ABCC4: variants seen among roughly 807,000 people sequenced by gnomAD.
The protein encoded by ABCC4 is ATP binding cassette subfamily C member 4 (PEL blood group).
In ABCC4, 102 loss-of-function variants were observed where a neutral mutation model predicts 168.5. The observed-to-expected ratio is 0.61, with a 90% CI of 0.52 to 0.71. The LOEUF (loss-of-function observed/expected upper bound fraction) is 0.71, where lower values mean the gene tolerates loss of function less well. Among genes scored for constraint, ABCC4 ranks in the 30% least tolerant of loss-of-function variants. The pLI is 0.00. For missense variants in ABCC4, 1,402 were observed against 1,605.8 expected, an observed-to-expected ratio of 0.87 and a Z score of 2.17; for synonymous variants, 617 against 590.7, an observed-to-expected ratio of 1.04 and a Z score of -0.65.
chr13:95,198,681 TACAACAGC>T (rs1372675248), intron 8 of ABCC4, among the ~76,000 whole-genome samples: 1 of 152,128 alleles, frequency 6.6e-6, no homozygotes. Context: ...CAGCACTATT[TACAACAGC>T]AAAGACTTGG....
At chr13:95,134,727 T>A (rs1398256610) in intron 19 of ABCC4, among the ~76,000 whole-genome samples, 1 of 151,594 alleles carries the variant, frequency 6.6e-6, no homozygotes, top group East Asian at 1.9e-4. Flanking sequence ...CTCAAAAAAA[T>A]TTAAATAAAT....
chr13:95,276,986 T>A (rs1381438311), intron 1 of ABCC4, among the ~76,000 whole-genome samples: 20 of 151,536 alleles, frequency 1.3e-4, no homozygotes, highest in Admixed American at 1.3e-3. Context: ...ACCACTGCAC[T>A]CCAGACTGGG....
At chr13:95,269,823 G>C (rs1278421777) in intron 1 of ABCC4, among the ~76,000 whole-genome samples, 1 of 152,172 alleles carries the variant, frequency 6.6e-6, no homozygotes, top group Admixed American at 6.5e-5. Context: ...CATGGTGACA[G>C]TGTGGGGTTT....
chr13:95,167,358 GA>G (rs1169914506), intron 14 of ABCC4, among the ~76,000 whole-genome samples: 1 of 152,070 alleles, frequency 6.6e-6, no homozygotes, highest in Non-Finnish European at 1.5e-5. Context: ...CCCATGAAAT[GA>G]GACCCAACTG....
At chr13:95,028,968 C>T (rs532296025) in intron 30 of ABCC4, among the ~76,000 whole-genome samples, 2 of 151,694 alleles carry the variant, frequency 1.3e-5, no homozygotes, top group Non-Finnish European at 2.9e-5. Flanking sequence ...AAGTTCAAGA[C>T]CAGCCTGGCC....
intron 17 of ABCC4, 22 bp downstream of exon 17, chr13:95,163,588 C>T (rs541020718): frequency 1.2e-4 from 189 of 1,602,476 alleles, no homozygotes; most frequent in Admixed American, 3.0e-4. Flanking sequence ...GTATTTCATA[C>T]ATCAGACCAG....
At chr13:95,067,240 G>C (rs1189457) in intron 25 of ABCC4, among the ~76,000 whole-genome samples, 88,400 of 151,984 alleles carry the variant, frequency 0.58, 25,958 homozygotes, top group South Asian at 0.74. Context: ...AGACAGAGAT[G>C]ACCGGAAAGG....
At chr13:95,237,862 G>T (rs1414076411) in intron 3 of ABCC4, among the ~76,000 whole-genome samples, 1 of 152,076 alleles carries the variant, frequency 6.6e-6, no homozygotes, top group Non-Finnish European at 1.5e-5. Flanking sequence ...GCAGAAAAGA[G>T]TGAGCTGTGG....
chr13:95,218,910 A>AGAT (rs1160611984), intron 4 of ABCC4, among the ~76,000 whole-genome samples: 1 of 33,868 alleles, frequency 3.0e-5, no homozygotes, highest in African/African-American at 1.2e-4. Flanking sequence ...AGAGAAAGAG[A>AGAT]GAGAGAGAGA....
rs1275043272 is a variant in ABCC4, at chr13:95,218,989, G to GAA, written c.532-8209_532-8208insTT. Among the ~76,000 whole-genome samples, 4 of 63,742 alleles carry GAA rather than the reference G, an allele frequency of 6.3e-5. 1 individual carries two copies. Among genetic ancestry groups the GAA allele is most frequent in the Non-Finnish European group, 1.1e-4 (3 of 28,504 alleles). 41.8% of individuals were successfully genotyped at this position (63,742 alleles called of 152,430 possible). ...AGAAAGAAAGAAAGAAAGAAAGAGTGAGAAAGAAAGAAAGAGTGAGAAAGA... is the reference window on the plus strand; with the variant it reads ...AGAAAGAAAGAAAGAAAGAAAGAGTGAAAGAAAGAAAGAAAGAGTGAGAAAGA... On this transcript the variant is annotated intron_variant, in intron 4 of 30. Transcript: ENST00000645237.
Position 95,301,405 on chromosome 13 carries a change from G to T in ABCC4, c.-91C>A. The T allele has an allele frequency of 8.5e-7, 1 of 1,179,490 alleles. No individual in the cohort carries two copies. The highest frequency in any genetic ancestry group is 1.2e-6 in the Non-Finnish European group (1 of 864,750). The allele number at this position is 1,179,490 out of a possible 1,614,324, so 73.1% of individuals were successfully genotyped here. ...CTCCTGGACCTCAAGCAGGGATGCT[G>T]GGGCTCCGGCCGCCACGCCTGTCCG... On this transcript the variant is annotated 5_prime_UTR_variant, in exon 1 of 31. Transcript: ENST00000645237.
chr13:95,234,584 C>T, intron 4 of ABCC4, 26 bp downstream of exon 4: 1 of 1,580,440 alleles, frequency 6.3e-7, no homozygotes, highest in Non-Finnish European at 8.7e-7. Context: ...AGGTGAGGTA[C>T]ATGTTTAATG....
chr13:95,046,050 T>C (rs9561768), intron 27 of ABCC4, among the ~76,000 whole-genome samples: 24,332 of 152,010 alleles, frequency 0.16, 2,255 homozygotes, highest in African/African-American at 0.25. Flanking sequence ...ACCCTGAAAA[T>C]TATAGGATGG....
Position 95,186,722 on chromosome 13 carries a change from T to C in ABCC4, c.1524A>G (p.Ile508Met), listed in dbSNP as rs764281428. 1 of 1,614,008 alleles carries C rather than the reference T, an allele frequency of 6.2e-7. No homozygotes were observed. Among genetic ancestry groups the C allele is most frequent in the South Asian group, 1.1e-5 (1 of 91,042 alleles). Residue 508 changes from isoleucine (I) to methionine (M), a missense_variant, in exon 11 of 31, where the codon ATA becomes ATG. This residue lies in a region of ABCC4 where 1,007 missense variants were observed against 1,127.3 expected (regional missense o/e 0.89). Coordinates refer to ENST00000645237, the MANE Select transcript of ABCC4 (RefSeq NM_005845.5). ...KYEKERYEKV[I>M]KACALKKDLQ... ...TCACCTTTTTCAGAGCACAAGCCTT[T>C]ATGACTTTTTCATATCGTTCCTTTT...
At chr13:95,027,470 A>T (rs559963231) in intron 30 of ABCC4, among the ~76,000 whole-genome samples, 3 of 152,356 alleles carry the variant, frequency 2.0e-5, no homozygotes, top group African/African-American at 4.8e-5. Flanking sequence ...GACCAAATTG[A>T]TTCCACAGCA....
intron 25 of ABCC4, among the ~76,000 whole-genome samples, chr13:95,064,297 T>TATATATATATATATACATACAC (rs1555306881): frequency 9.5e-6 from 1 of 105,302 alleles, no homozygotes; most frequent in Non-Finnish European, 2.0e-5. Context: ...TATATATATA[T>TATATATATATATATACATACAC]ACACACACAC....
At chr13:95,291,501 T>C (rs1449625778) in intron 1 of ABCC4, among the ~76,000 whole-genome samples, 1 of 152,210 alleles carries the variant, frequency 6.6e-6, no homozygotes, top group Non-Finnish European at 1.5e-5. Flanking sequence ...TTAGTGGATC[T>C]GCCACAACCT....
rs994377735 is a variant in ABCC4, at chr13:95,053,214, C to T, written c.3367-30G>A. On this transcript the variant is annotated intron_variant, in intron 26 of 30. Coordinates refer to ENST00000645237, the MANE Select transcript of ABCC4 (RefSeq NM_005845.5). ...GTGCCCAAAATAGTCACGGTCATTA[C>T]CACAGACTCTTTTTTCATTTTATTC... 10 of 1,536,336 alleles carry T rather than the reference C, an allele frequency of 6.5e-6. No individual in the cohort carries two copies. In the African/African-American group the frequency reaches 8.2e-5, roughly 13 times the overall value.
chr13:95,274,933 C>G (rs1246215372), intron 1 of ABCC4, among the ~76,000 whole-genome samples: 1 of 152,054 alleles, frequency 6.6e-6, no homozygotes, highest in Non-Finnish European at 1.5e-5. Context: ...AAAAATTAGC[C>G]AGGTGTGGTG....
Sources: allele counts gnomAD v4.1 joint callset (sites outside exome capture counted in the v4.1 genomes callset), GRCh38; gene constraint gnomAD v4.1.1; regional missense constraint gnomAD v4.1.1; transcripts MANE v1.5; gene names NCBI Gene and HGNC (gene_info 2026-07-23, HGNC 2026-07-21).